The following FGF13 variants were observed in gnomAD, a reference collection of about 807,000 sequenced individuals.
FGF13 encodes the protein fibroblast growth factor homologous factor 2.
Under a neutral mutation model 19.5 loss-of-function variants are expected in FGF13, and 2 were observed. The ratio of observed to expected loss-of-function variants is 0.10; its 90% CI spans 0.04 to 0.32. The LOEUF (loss-of-function observed/expected upper bound fraction) is 0.32, where lower values mean the gene tolerates loss of function less well. Ranked by LOEUF, FGF13 falls within the 10% of genes least tolerant of loss-of-function variation. The pLI, the probability that FGF13 is intolerant of heterozygous loss-of-function variation, is 1.00. For missense variants in FGF13, 113 were observed against 192.7 expected (o/e 0.59, Z 2.45); for synonymous variants, 72 against 76.9 (o/e 0.94, Z 0.33).
At chrX:139,096,858 T>A (rs2083473876) in intron 1 of FGF13, among the ~76,000 whole-genome samples, 1 of 111,976 alleles carries the variant, frequency 8.9e-6, no homozygotes, top group African/African-American at 3.2e-5. Context: ...TAAATTTTTT[T>A]AAACTTCCCA....
chrX:138,668,143 T>G (rs1343607422), intron 3 of FGF13, among the ~76,000 whole-genome samples: 2 of 111,909 alleles, frequency 1.8e-5, no homozygotes. Flanking sequence ...TTAATGAACT[T>G]AACACTGTAA....
chrX:139,047,906 T>A lies in FGF13; in HGVS notation c.-113+155510A>T, dbSNP rs370801011. On this transcript the variant is annotated intron_variant, in intron 1 of 2. Coordinates refer to the FGF13 transcript ENST00000421460. ...TTTGTTCATTTATCTATTAGGTAGTTCTTTTCTCTTATGAATTTGTAGGAG... is the reference window on the plus strand; with the variant it reads ...TTTGTTCATTTATCTATTAGGTAGTACTTTTCTCTTATGAATTTGTAGGAG... Among the ~76,000 whole-genome samples the A allele has an allele frequency of 3.6e-5, 4 of 111,867 alleles. No individual in the cohort carries two copies. The East Asian group carries it at 8.4e-4, about 23-fold the overall frequency.
chrX:139,204,525 C>A (rs916918665), upstream of FGF13, among the ~76,000 whole-genome samples: 1 of 112,803 alleles, frequency 8.9e-6, no homozygotes, highest in Non-Finnish European at 1.9e-5. Context: ...GCCGGCCTCC[C>A]TGGGCTCCGC....
At chrX:138,647,665 T>C (rs1035497290) in intron 3 of FGF13, among the ~76,000 whole-genome samples, 32 of 112,339 alleles carry the variant, frequency 2.8e-4, no homozygotes, top group African/African-American at 9.1e-4. Context: ...TTTGATGACA[T>C]TAAATTTTGA....
At chrX:138,702,107 AC>A (rs1431730522) in intron 3 of FGF13, among the ~76,000 whole-genome samples, 2 of 111,222 alleles carry the variant, frequency 1.8e-5, no homozygotes, top group Admixed American at 9.6e-5. Flanking sequence ...ACGTGGTGAA[AC>A]CCATCTCTGC....
intron 3 of FGF13, among the ~76,000 whole-genome samples, chrX:138,760,528 T>C (rs1442155148): frequency 9.0e-6 from 1 of 110,768 alleles, no homozygotes; most frequent in Non-Finnish European, 1.9e-5. Flanking sequence ...CAGGGGAGGG[T>C]GTTGTGGGGA....
chrX:138,791,822 C>G (rs1409904099), intron 3 of FGF13, among the ~76,000 whole-genome samples: 5 of 111,832 alleles, frequency 4.5e-5, no homozygotes, highest in Non-Finnish European at 9.4e-5. Context: ...TCTCAACTTA[C>G]CCCCAGGATA....
chrX:139,200,564 C>A (rs1230292067), intron 1 of FGF13, among the ~76,000 whole-genome samples: 4 of 111,927 alleles, frequency 3.6e-5, no homozygotes, highest in Non-Finnish European at 7.5e-5. Context: ...ATGAGCCCAG[C>A]CTGACAACAG....
intron 1 of FGF13, among the ~76,000 whole-genome samples, chrX:138,969,153 G>GA (rs1343670982): frequency 8.9e-6 from 1 of 111,740 alleles, no homozygotes; most frequent in Non-Finnish European, 1.9e-5. Context: ...TGAAAAACTC[G>GA]AAAAACAGAA....
intron 1 of FGF13, among the ~76,000 whole-genome samples, chrX:139,032,703 G>A (rs2092232296): frequency 9.0e-6 from 1 of 110,758 alleles, no homozygotes; most frequent in African/African-American, 3.3e-5. Context: ...TGATCCTTCA[G>A]TAGAAGCAAG....
chrX:138,630,630 CA>C lies in FGF13; in HGVS notation c.*2219del. ...ATAGGAGCTCATGCTGAATCTGGTC[CA>C]AACATCTTAGAAATGAGGAGTCTCC... On this transcript the variant is annotated 3_prime_UTR_variant, in exon 5 of 5. Transcript: ENST00000315930. 9.0e-6 allele frequency: 1 copy of C among 111,097 alleles called. No individual in the cohort carries two copies. The highest frequency in any genetic ancestry group is 1.9e-5 in the Non-Finnish European group (1 of 52,981). The allele number at this position is 111,097 out of a possible 1,213,427, so 9.2% of individuals were successfully genotyped here.
At chrX:139,153,014 C>G (rs576882384) in intron 1 of FGF13, among the ~76,000 whole-genome samples, 1 of 111,334 alleles carries the variant, frequency 9.0e-6, no homozygotes, top group Non-Finnish European at 1.9e-5. Flanking sequence ...GAGTCTAGCA[C>G]TGTTTAGGTG....
At chrX:139,204,191 G>T, upstream of FGF13, 3 of 932,091 alleles carry the variant, frequency 3.2e-6, no homozygotes, top group South Asian at 2.0e-5. Flanking sequence ...GCTTAGGGCG[G>T]CAAGTCTCGA....
intron 3 of FGF13, among the ~76,000 whole-genome samples, chrX:138,812,245 C>T (rs1319571570): frequency 8.9e-6 from 1 of 111,873 alleles, no homozygotes; most frequent in Non-Finnish European, 1.9e-5. Context: ...CATAATATTT[C>T]AGTTTTTATC....
intron 1 of FGF13, among the ~76,000 whole-genome samples, chrX:139,049,950 A>C (rs2092299110): frequency 8.9e-6 from 1 of 112,413 alleles, no homozygotes; most frequent in Non-Finnish European, 1.9e-5. Flanking sequence ...TGTCAATGAC[A>C]GTTTAAAACA....
At chrX:138,810,886 C>T (rs1385643925) in intron 3 of FGF13, among the ~76,000 whole-genome samples, 2 of 111,559 alleles carry the variant, frequency 1.8e-5, no homozygotes, top group Non-Finnish European at 3.8e-5. Context: ...AAATCAAAAC[C>T]ACAATGAGAT....
chrX:138,744,413 G>T (rs1368896921), intron 3 of FGF13, among the ~76,000 whole-genome samples: 1 of 111,805 alleles, frequency 8.9e-6, no homozygotes, highest in Non-Finnish European at 1.9e-5. Context: ...AAAACAGGTG[G>T]TGGGACTGGG....
intron 1 of FGF13, among the ~76,000 whole-genome samples, chrX:138,890,309 G>C (rs1350758390): frequency 5.4e-5 from 6 of 111,493 alleles, no homozygotes; most frequent in African/African-American, 2.0e-4. Flanking sequence ...AAATATTTTT[G>C]TAGTACCTGT....
chrX:138,812,275 C>T (rs753318420), intron 3 of FGF13, among the ~76,000 whole-genome samples: 2 of 112,091 alleles, frequency 1.8e-5, no homozygotes, highest in South Asian at 3.7e-4. Context: ...GTACAGACAG[C>T]CCACATTATC....
Sources: gnomAD v4.1 joint callset for allele counts (sites outside exome capture counted in the v4.1 genomes callset) on GRCh38, gnomAD v4.1.1 for gene constraint, MANE v1.5 for transcripts, NCBI Gene and HGNC (gene_info 2026-07-23, HGNC 2026-07-21) for gene names.